FBXO31: variants seen among roughly 807,000 people sequenced by gnomAD.
FBXO31 encodes F-box protein 31, also known as F-box only protein 31.
In FBXO31, 24 loss-of-function variants were observed where a neutral mutation model predicts 54.4. The ratio of observed to expected loss-of-function variants is 0.44; its 90% CI spans 0.32 to 0.62. FBXO31 has a LOEUF of 0.62. Among genes scored for constraint, FBXO31 ranks in the 20% least tolerant of loss-of-function variants. The probability of loss-of-function intolerance (pLI) is 0.05; values close to 1 mark genes in which losing one functional copy is unlikely to be tolerated. For synonymous variants in FBXO31, 388 were observed against 335.6 expected (o/e 1.16, Z -1.71); for missense variants, 665 against 787.1 (o/e 0.84, Z 1.86).
chr16:87,363,858 A>G (rs574308183), intron 1 of FBXO31, among the ~76,000 whole-genome samples: 2 of 152,288 alleles, frequency 1.3e-5, no homozygotes, highest in East Asian at 3.9e-4. Context: ...TTTCATCTGT[A>G]AGTTAAAGGA....
Position 87,335,584 on chromosome 16 carries a change from G to A in FBXO31, c.843-127C>T. 1 of 1,100,066 alleles carries A rather than the reference G, an allele frequency of 9.1e-7. No individual in the cohort carries two copies. Among genetic ancestry groups the A allele is most frequent in the Non-Finnish European group, 1.3e-6 (1 of 780,006 alleles). 68.1% of individuals were successfully genotyped at this position (1,100,066 alleles called of 1,614,324 possible). The stretch of plus-strand genomic sequence containing the variant: ...GGCAGCTCAGCTCAACCAGGGCCAG[G>A]TGTCCACCAGGCCTGTGGGCAGCAA... On this transcript the variant is annotated intron_variant, in intron 6 of 8. Coordinates refer to ENST00000311635, the MANE Select transcript of FBXO31 (RefSeq NM_024735.5). This position sits in a 1 kb window ranked among gnomAD's most constrained non-coding sequence, Gnocchi z 5.7.
intron 1 of FBXO31, among the ~76,000 whole-genome samples, chr16:87,389,373 T>C (rs750502954): frequency 6.6e-6 from 1 of 152,178 alleles, no homozygotes; most frequent in Admixed American, 6.5e-5. Flanking sequence ...AGAGTAACCC[T>C]GGCCCATTAC....
chr16:87,372,645 C>CA (rs1452544347), intron 1 of FBXO31, among the ~76,000 whole-genome samples: 1 of 152,140 alleles, frequency 6.6e-6, no homozygotes, highest in East Asian at 1.9e-4. Flanking sequence ...ACTGCAGACT[C>CA]AAACTCCTGG....
In FBXO31 at chr16:87,331,096, G is replaced by A. The variant is rs1447510678; in HGVS notation, c.*192C>T. 2 of 586,708 alleles carry A rather than the reference G, an allele frequency of 3.4e-6. No individual in the cohort carries two copies. The highest frequency in any genetic ancestry group is 6.1e-6 in the Non-Finnish European group (2 of 329,932). 36.3% of individuals were successfully genotyped at this position (586,708 alleles called of 1,614,324 possible). A position where few individuals can be genotyped will look rare whatever the true frequency, so the allele number is the denominator to read the frequency against. On this transcript the variant is annotated 3_prime_UTR_variant, in exon 9 of 9. Coordinates refer to ENST00000311635, the MANE Select transcript of FBXO31 (RefSeq NM_024735.5). ...AGACATGCTCAGCTTCTTCCATCAT[G>A]GCACTGACAAATATGCAGGTCTATG... is the stretch of plus-strand genomic sequence containing the variant.
At chr16:87,340,911 C>T (rs189751691) in intron 5 of FBXO31, among the ~76,000 whole-genome samples, 4 of 152,292 alleles carry the variant, frequency 2.6e-5, no homozygotes, top group Non-Finnish European at 4.4e-5. Flanking sequence ...GGAAGGGCTT[C>T]GATTTCCTAA....
chr16:87,343,226 C>T (rs927136150), intron 4 of FBXO31, among the ~76,000 whole-genome samples: 4 of 152,272 alleles, frequency 2.6e-5, no homozygotes, highest in Admixed American at 2.6e-4. Flanking sequence ...ATCTCACACA[C>T]AAGGTGTGGC....
In FBXO31 at chr16:87,331,283, G is replaced by A. The variant is rs1479558174; in HGVS notation, c.*5C>T. 1 of 1,611,550 alleles carries A rather than the reference G, an allele frequency of 6.2e-7. No individual in the cohort carries two copies. The highest frequency in any genetic ancestry group is 8.5e-7 in the Non-Finnish European group (1 of 1,178,074). On this transcript the variant is annotated 3_prime_UTR_variant, in exon 9 of 9. Coordinates refer to ENST00000311635, the MANE Select transcript of FBXO31 (RefSeq NM_024735.5). ...CCCGGGATGTGGCGGCAAGGATGTG[G>A]CCGGTCAGGAGGTGAGGGACTGAAT... is the stretch of plus-strand genomic sequence containing the variant.
upstream of FBXO31, among the ~76,000 whole-genome samples, chr16:87,385,201 G>A (rs1907285576): frequency 6.6e-6 from 1 of 152,184 alleles, no homozygotes; most frequent in East Asian, 1.9e-4. Context: ...GCTCACGCCT[G>A]TAATCCCAGC....
intron 1 of FBXO31, among the ~76,000 whole-genome samples, chr16:87,378,984 T>C (rs1161990508): frequency 2.0e-5 from 3 of 150,192 alleles, no homozygotes; most frequent in Non-Finnish European, 4.4e-5. Flanking sequence ...AAACAAAATA[T>C]ATAGATATAG....
At chr16:87,373,995 T>G (rs1906713507) in intron 1 of FBXO31, among the ~76,000 whole-genome samples, 1 of 152,182 alleles carries the variant, frequency 6.6e-6, no homozygotes, top group African/African-American at 2.4e-5. Flanking sequence ...TGTAATGCAC[T>G]TTGGGAGACC....
At chr16:87,367,048 G>C (rs966416642) in intron 1 of FBXO31, 1 of 151,988 alleles carries the variant, frequency 6.6e-6, no homozygotes, top group Middle Eastern at 3.2e-3. Context: ...AGGCACAGTG[G>C]CACACCTGTA....
In FBXO31 at chr16:87,345,949, A is replaced by G. The variant is rs188867012; in HGVS notation, c.489+1225T>C. 2.6e-5 allele frequency among the ~76,000 whole-genome samples: 4 copies of G among 152,314 alleles called. No homozygotes were observed. The highest frequency in any genetic ancestry group is 9.6e-5 in the African/African-American group (4 of 41,560). On this transcript the variant is annotated intron_variant, in intron 3 of 8. Coordinates refer to ENST00000311635, the MANE Select transcript of FBXO31 (RefSeq NM_024735.5). The surrounding 1 kb of genome is among the most constrained non-coding windows in gnomAD (Gnocchi z 4.9). ...CAGAGAACACAGCCCCATGCTGCACACAGGCAGTTGCACGAGGCACCTGCG... is the reference window on the plus strand; with the variant it reads ...CAGAGAACACAGCCCCATGCTGCACGCAGGCAGTTGCACGAGGCACCTGCG...
intron 1 of FBXO31, among the ~76,000 whole-genome samples, chr16:87,371,761 T>A (rs1344206584): frequency 6.6e-6 from 1 of 152,220 alleles, no homozygotes; most frequent in Non-Finnish European, 1.5e-5. Context: ...ACAGGATCAG[T>A]GAGCGCGCAG....
chr16:87,369,231 C>G (rs555896667), intron 1 of FBXO31, among the ~76,000 whole-genome samples: 1 of 151,928 alleles, frequency 6.6e-6, no homozygotes, highest in Admixed American at 6.6e-5. Context: ...GTTGACTGTA[C>G]GGCTCACGGG....
Position 87,342,615 on chromosome 16 carries a change from A to G in FBXO31, c.732+262T>C, listed in dbSNP as rs1026165650. On this transcript the variant is annotated intron_variant, in intron 5 of 8. Transcript: ENST00000311635. ...AGTGGATGTGCCCGCCAGAGGGGCA[A>G]AGCAGAGCTAACTGAAGAAACGGCC... Among the ~76,000 whole-genome samples, 15 of 152,304 alleles carry G rather than the reference A, an allele frequency of 9.8e-5. No homozygotes were observed. In the East Asian group the frequency reaches 2.7e-3, roughly 27 times the overall value.
In FBXO31 at chr16:87,336,761, C is replaced by T. The variant is rs1260760057; in HGVS notation, c.733-497G>A. The stretch of plus-strand genomic sequence containing the variant: ...GATGCACTGAGCCCTCGGCCAGTGA[C>T]TGGGTGGATTTTCCTTTTTCAAAGG... On this transcript the variant is annotated intron_variant, in intron 5 of 8. Coordinates refer to ENST00000311635, the MANE Select transcript of FBXO31 (RefSeq NM_024735.5). This position sits in a 1 kb window ranked among gnomAD's most constrained non-coding sequence, Gnocchi z 6.5. Among the ~76,000 whole-genome samples the T allele has an allele frequency of 6.6e-6, 1 of 152,150 alleles. No homozygotes were observed. Among genetic ancestry groups the T allele is most frequent in the Non-Finnish European group, 1.5e-5 (1 of 68,024 alleles).
chr16:87,383,682 C>A lies in FBXO31; in HGVS notation c.63G>T (p.Gln21His). 7.8e-7 allele frequency: 1 copy of A among 1,281,322 alleles called. No individual in the cohort carries two copies. The highest frequency in any genetic ancestry group is 9.8e-7 in the Non-Finnish European group (1 of 1,020,894). The allele number at this position is 1,281,322 out of a possible 1,614,324, so 79.4% of individuals were successfully genotyped here. ...CCGCCGTCTCGGCCGGGCCCCGGCGCTGCTGGCGGCGCCGACATCCGCGCG... is the reference window on the plus strand; with the variant it reads ...CCGCCGTCTCGGCCGGGCCCCGGCGATGCTGGCGGCGCCGACATCCGCGCG... Reference protein sequence around the residue: ...GPSRGCRRRQQRRGPAETAAA... With the variant: ...GPSRGCRRRQHRRGPAETAAA... The change falls in exon 1 of 9, where the codon CAG (glutamine) becomes CAT (histidine). Residue 21 changes from glutamine (Q) to histidine (H), a missense_variant. Around this residue, in one of 4 missense-constraint regions of FBXO31, gnomAD observed 195 missense variants for 174.8 expected, o/e 1.12. Transcript: ENST00000311635. The surrounding 1 kb of genome is among the most constrained non-coding windows in gnomAD (Gnocchi z 4.9).
rs78447559 is a variant in FBXO31, at chr16:87,339,652, C to T, written c.732+3225G>A. Among the ~76,000 whole-genome samples, 314 of 152,282 alleles carry T rather than the reference C, an allele frequency of 2.1e-3. 9 individuals carry two copies. The East Asian group carries it at 0.053, about 26-fold the overall frequency. On this transcript the variant is annotated intron_variant, in intron 5 of 8. Transcript: ENST00000311635. ...AGCGGGACGAGCCGAGGGAGTATGT[C>T]GGATGGGGGTGTGGACATCACACAA...
intron 5 of FBXO31, among the ~76,000 whole-genome samples, chr16:87,341,667 A>G (rs1325923165): frequency 1.4e-5 from 2 of 146,996 alleles, no homozygotes; most frequent in Non-Finnish European, 3.0e-5. Flanking sequence ...AAAAAAAAAA[A>G]AAAAAAAAAA....
Sources: gnomAD v4.1 joint callset for allele counts (sites outside exome capture counted in the v4.1 genomes callset) on GRCh38, gnomAD v4.1.1 for gene constraint, gnomAD v4.1.1 regional missense constraint, Gnocchi (gnomAD v3.1) non-coding constraint, MANE v1.5 for transcripts, NCBI Gene and HGNC (gene_info 2026-07-23, HGNC 2026-07-21) for gene names.